ETV1: variants seen among roughly 807,000 people sequenced by gnomAD.
The protein encoded by ETV1 is ETS variant transcription factor 1.
Under a neutral mutation model 62.3 loss-of-function variants are expected in ETV1, and 27 were observed. The observed-to-expected ratio is 0.43, with a 90% CI of 0.32 to 0.60. The LOEUF is 0.60. ETV1 is among the 20% of genes least tolerant of loss of function. The pLI is 0.06. For synonymous variants in ETV1, 222 were observed against 199.6 expected (o/e 1.11, Z -0.94); for missense variants, 605 against 605.8 (o/e 1.00, Z 0.01).
intron 9 of ETV1, among the ~76,000 whole-genome samples, chr7:13,926,731 T>C (rs983691078): frequency 1.3e-5 from 2 of 152,078 alleles, no homozygotes; most frequent in African/African-American, 4.8e-5. Context: ...AATAGATGGA[T>C]TGGATTGGAT....
chr7:13,929,427 ATG>A (rs1297931424), intron 9 of ETV1, among the ~76,000 whole-genome samples: 1 of 152,228 alleles, frequency 6.6e-6, no homozygotes, highest in African/African-American at 2.4e-5. Context: ...CCTCTCAGCC[ATG>A]TCAAGTTTAG....
At position 13,986,693 on chromosome 7, in the gene ETV1, A is replaced by G. The variant is rs868858633; in HGVS notation, c.134-8T>C. 27 of 1,606,612 alleles carry G rather than the reference A, an allele frequency of 1.7e-5. No individual in the cohort carries two copies. The highest frequency in any genetic ancestry group is 1.7e-4 in the Middle Eastern group (1 of 6,052). ...TTAGATCTTGAAAGAGTTCTAAAAA[A>G]CAAGTCAAAGACATAAACATAAGAT... On this transcript the variant is annotated splice_region_variant and splice_polypyrimidine_tract_variant and intron_variant, in intron 4 of 13. Transcript: ENST00000430479.
chr7:13,913,747 A>G (rs918449555), intron 9 of ETV1, among the ~76,000 whole-genome samples: 2 of 152,084 alleles, frequency 1.3e-5, no homozygotes, highest in African/African-American at 2.4e-5. Context: ...TTATTAGTGT[A>G]TCTATTTTGG....
At chr7:13,988,557 A>ACC in intron 3 of ETV1, 1 of 352,352 alleles carries the variant, frequency 2.8e-6, no homozygotes, top group Non-Finnish European at 4.4e-6. Context: ...TCCCCACCCC[A>ACC]CCCCCACAAA....
At position 13,891,568 on chromosome 7, in the gene ETV1, A is replaced by T. The variant is rs1333339343; in HGVS notation, c.*4298T>A. 8.6e-4 allele frequency: 200 copies of T among 231,282 alleles called. 1 individual carries two copies. The East Asian group carries it at 0.012, about 14-fold the overall frequency. 14.3% of individuals were successfully genotyped at this position (231,282 alleles called of 1,614,324 possible). ...TCTCCTCTTAAACTGTACTTTCCAT[A>T]AACTGTTTTTTTTTTAAGTATGTCA... On this transcript the variant is annotated 3_prime_UTR_variant, in exon 14 of 14. Transcript: ENST00000430479.
rs1783345684 is a variant in ETV1 at position 13,909,515 on chromosome 7, T to A, written c.940+117A>T. The A allele has an allele frequency of 9.5e-5, 71 of 750,938 alleles. No homozygotes were observed. In the South Asian group the frequency reaches 1.2e-3, roughly 12 times the overall value. The allele number at this position is 750,938 out of a possible 1,614,324, so 46.5% of individuals were successfully genotyped here. Reference sequence around the variant, plus strand: ...TCAACGTTGGCTAAAATTAAGTGCATGATGAATTATGTGCATAGGAATCTT... The same window carrying A: ...TCAACGTTGGCTAAAATTAAGTGCAAGATGAATTATGTGCATAGGAATCTT... On this transcript the variant is annotated intron_variant, in intron 11 of 13. Transcript: ENST00000430479.
chr7:13,895,500 G>A lies in ETV1; in HGVS notation c.*366C>T, dbSNP rs1008277314. On this transcript the variant is annotated 3_prime_UTR_variant, in exon 14 of 14. Coordinates refer to ENST00000430479, the MANE Select transcript of ETV1 (RefSeq NM_004956.5). Reference sequence around the variant, plus strand: ...AAATTAACTGTACCATAGATACCCCGATAAAATAAACATTATCTTATGTTG... The same window carrying A: ...AAATTAACTGTACCATAGATACCCCAATAAAATAAACATTATCTTATGTTG... The A allele has an allele frequency of 1.9e-5, 5 of 266,978 alleles. No individual in the cohort carries two copies. The highest frequency in any genetic ancestry group is 1.1e-4 in the South Asian group (1 of 8,866). The allele number at this position is 266,978 out of a possible 1,614,324, so 16.5% of individuals were successfully genotyped here.
chr7:13,988,548 C>G, intron 3 of ETV1: 51 of 543,724 alleles, frequency 9.4e-5, no homozygotes, highest in Non-Finnish European at 1.1e-4. Flanking sequence ...AGCCCCTCCT[C>G]CCCACCCCAC....
chr7:13,929,209 T>C (rs1785796059), intron 9 of ETV1, among the ~76,000 whole-genome samples: 1 of 152,184 alleles, frequency 6.6e-6, no homozygotes, highest in African/African-American at 2.4e-5. Flanking sequence ...TGCAGGGTTC[T>C]TAATTAGAGA....
At chr7:13,975,568 AAAAAAAAAAAAGAAAAGAAAAG>A (rs1781356837) in intron 6 of ETV1, among the ~76,000 whole-genome samples, 1 of 138,882 alleles carries the variant, frequency 7.2e-6, no homozygotes. Context: ...GTCTCAAAAA[AAAAAAAAAAAAGAAAAGAAAAG>A]AAAAAAAAAA....
chr7:13,907,298 T>C (rs1362014940), intron 11 of ETV1, among the ~76,000 whole-genome samples: 1 of 152,152 alleles, frequency 6.6e-6, no homozygotes, highest in Non-Finnish European at 1.5e-5. Flanking sequence ...TCTCTCTCAT[T>C]TTTCTTTATC....
chr7:13,989,272 A>T lies in ETV1; in HGVS notation c.-92T>A, dbSNP rs1782845029. 1 of 547,648 alleles carries T rather than the reference A, an allele frequency of 1.8e-6. No homozygotes were observed. Among genetic ancestry groups the T allele is most frequent in the South Asian group, 2.5e-5 (1 of 39,608 alleles). The allele number at this position is 547,648 out of a possible 1,614,324, so 33.9% of individuals were successfully genotyped here. A position where few individuals can be genotyped will look rare whatever the true frequency, so the allele number is the denominator to read the frequency against. On this transcript the variant is annotated 5_prime_UTR_variant, in exon 2 of 14. Coordinates refer to ENST00000430479, the MANE Select transcript of ETV1 (RefSeq NM_004956.5). Reference sequence around the variant, plus strand: ...TCCCTACACCGCCTCCTTCACCTGGATCCAAAGAGAGCCAACAGAGTTCAC... The same window carrying T: ...TCCCTACACCGCCTCCTTCACCTGGTTCCAAAGAGAGCCAACAGAGTTCAC...
chr7:13,970,590 T>G (rs1780804949), intron 6 of ETV1, among the ~76,000 whole-genome samples: 1 of 152,180 alleles, frequency 6.6e-6, no homozygotes, highest in South Asian at 2.1e-4. Context: ...GCTCTCATTT[T>G]GGTAAAAGCA....
chr7:13,906,498 G>C lies in ETV1; in HGVS notation c.1042C>G (p.Pro348Ala), dbSNP rs753613347. 5 of 1,610,800 alleles carry C rather than the reference G, an allele frequency of 3.1e-6. No individual in the cohort carries two copies. Among genetic ancestry groups the C allele is most frequent in the Admixed American group, 1.7e-5 (1 of 59,642 alleles). ...CAGGCAATAAAATGAGAATTTGAAGGGTCATCCAGAAGAGCTACCAAAAAC... is the reference window on the plus strand; with the variant it reads ...CAGGCAATAAAATGAGAATTTGAAGCGTCATCCAGAAGAGCTACCAAAAAC... ...WQFLVALLDD[P>A]SNSHFIAWTG... Residue 348 changes from proline (P) to alanine (A), a missense_variant, in exon 12 of 14, where the codon CCT becomes GCT. Physicochemically the swap from Pro to Ala is conservative, Grantham distance 27 (BLOSUM62 -1). Coordinates refer to ENST00000430479, the MANE Select transcript of ETV1 (RefSeq NM_004956.5).
intron 12 of ETV1, among the ~76,000 whole-genome samples, chr7:13,904,827 T>C (rs994925068): frequency 3.3e-5 from 5 of 151,838 alleles, no homozygotes; most frequent in Non-Finnish European, 7.4e-5. Context: ...TAGTCTCAAT[T>C]TGTTAGTGCT....
At position 13,961,071 on chromosome 7, in the gene ETV1, G is replaced by A. The variant is rs1282570861; in HGVS notation, c.235+16356C>T. On this transcript the variant is annotated intron_variant, in intron 6 of 13. Coordinates refer to ENST00000430479, the MANE Select transcript of ETV1 (RefSeq NM_004956.5). ...CTGAGTTGGGAGATCGCTTGAGCGC[G>A]GGTGGTTGAGGCTGCAGTGAGCCAT... is the stretch of plus-strand genomic sequence containing the variant. Among the ~76,000 whole-genome samples, 12 of 136,246 alleles carry A rather than the reference G, an allele frequency of 8.8e-5. No homozygotes were observed. In the East Asian group the frequency reaches 1.4e-3, roughly 16 times the overall value. The allele number at this position is 136,246 out of a possible 152,430, so 89.4% of individuals were successfully genotyped here. A position where few individuals can be genotyped will look rare whatever the true frequency, so the allele number is the denominator to read the frequency against.
chr7:13,981,885 C>A (rs916047148), intron 5 of ETV1, among the ~76,000 whole-genome samples: 3 of 151,884 alleles, frequency 2.0e-5, no homozygotes, highest in Non-Finnish European at 4.4e-5. Flanking sequence ...GCTGTTTAAT[C>A]CTAAATTGAA....
intron 9 of ETV1, among the ~76,000 whole-genome samples, chr7:13,925,954 A>G (rs1317519579): frequency 2.6e-5 from 4 of 152,068 alleles, no homozygotes; most frequent in African/African-American, 9.7e-5. Context: ...CAGATACAAA[A>G]TATCACCTAT....
chr7:13,919,196 C>G (rs1038388813), intron 9 of ETV1, among the ~76,000 whole-genome samples: 1 of 151,992 alleles, frequency 6.6e-6, no homozygotes, highest in African/African-American at 2.4e-5. Flanking sequence ...GAGTTATTTG[C>G]CCTTTTATAA....
Sources: gnomAD v4.1 joint callset for allele counts (sites outside exome capture counted in the v4.1 genomes callset) on GRCh38, gnomAD v4.1.1 for gene constraint, MANE v1.5 for transcripts, NCBI Gene and HGNC (gene_info 2026-07-23, HGNC 2026-07-21) for gene names.